TRPM6: variants seen among roughly 807,000 people sequenced by gnomAD.
The protein encoded by TRPM6 is channel kinase 2.
In TRPM6, 111 loss-of-function variants were observed where a neutral mutation model predicts 247.6. The observed-to-expected ratio is 0.45, with a 90% CI of 0.38 to 0.52. The LOEUF (loss-of-function observed/expected upper bound fraction) is 0.52. Among genes scored for constraint, TRPM6 ranks in the 20% least tolerant of loss-of-function variants. TRPM6 has a pLI of 0.00. For missense variants in TRPM6, 2,126 were observed against 2,421.5 expected (o/e 0.88, Z 2.56); for synonymous variants, 892 against 853.8 (o/e 1.04, Z -0.78).
In TRPM6 at chr9:74,755,493, T is replaced by G; in HGVS notation, c.4786-20A>C. 2 of 1,613,822 alleles carry G rather than the reference T, an allele frequency of 1.2e-6. No homozygotes were observed. Among genetic ancestry groups the G allele is most frequent in the South Asian group, 2.2e-5 (2 of 91,080 alleles). On this transcript the variant is annotated intron_variant, in intron 27 of 38. Coordinates refer to ENST00000360774, the MANE Select transcript of TRPM6 (RefSeq NM_017662.5). ...TATGATCTGGAGAGAAAGACACTTG[T>G]TGGAACACAGTGACATTAATTCAAA...
chr9:74,857,459 TAATTA>T (rs1484146143), intron 2 of TRPM6, among the ~76,000 whole-genome samples: 2 of 152,200 alleles, frequency 1.3e-5, no homozygotes, highest in African/African-American at 4.8e-5. Context: ...ATTTTCCTTT[TAATTA>T]ATTTTTCCAA....
intron 1 of TRPM6, among the ~76,000 whole-genome samples, chr9:74,859,891 T>G (rs1421648881): frequency 6.6e-6 from 1 of 152,068 alleles, no homozygotes; most frequent in Non-Finnish European, 1.5e-5. Context: ...GTCAGTGCAG[T>G]CCCCACCTCA....
chr9:74,801,356 G>A (rs1181124921), intron 16 of TRPM6, among the ~76,000 whole-genome samples: 1 of 145,756 alleles, frequency 6.9e-6, no homozygotes, highest in African/African-American at 2.5e-5. Context: ...CTCCAGCCTG[G>A]GAATTTTTAC....
intron 1 of TRPM6, among the ~76,000 whole-genome samples, chr9:74,862,691 C>T (rs1188067005): frequency 6.6e-6 from 1 of 152,104 alleles, no homozygotes; most frequent in African/African-American, 2.4e-5. Context: ...AAAATTTATA[C>T]ATAAAATTGT....
intron 2 of TRPM6, among the ~76,000 whole-genome samples, chr9:74,856,009 T>C (rs978347732): frequency 2.6e-5 from 4 of 152,214 alleles, no homozygotes; most frequent in African/African-American, 9.7e-5. Flanking sequence ...AATAGATATA[T>C]GTAAACCACT....
intron 8 of TRPM6, 144 bp downstream of exon 8, chr9:74,821,525 C>A: frequency 1.0e-6 from 1 of 1,002,618 alleles, no homozygotes; most frequent in Non-Finnish European, 1.5e-6. Flanking sequence ...TGTTGAACAA[C>A]AAACACAGTC....
At chr9:74,748,689 C>A (rs1329527140) in intron 30 of TRPM6, among the ~76,000 whole-genome samples, 1 of 152,062 alleles carries the variant, frequency 6.6e-6, no homozygotes, top group African/African-American at 2.4e-5. Context: ...TACAACCATA[C>A]AATGTATTTG....
intron 24 of TRPM6, among the ~76,000 whole-genome samples, chr9:74,774,618 T>TA (rs1827155133): frequency 6.6e-6 from 1 of 152,166 alleles, no homozygotes; most frequent in Admixed American, 6.5e-5. Flanking sequence ...AGGACCTACC[T>TA]AAACACATAA....
intron 23 of TRPM6, chr9:74,776,287 C>T (rs183099683): frequency 3.9e-6 from 2 of 514,966 alleles, no homozygotes; most frequent in East Asian, 7.7e-5. Flanking sequence ...GAATAACAAG[C>T]AGAAGGCAGA....
At chr9:74,884,584 C>T (rs868486063) in intron 1 of TRPM6, among the ~76,000 whole-genome samples, 1 of 151,978 alleles carries the variant, frequency 6.6e-6, no homozygotes, top group African/African-American at 2.4e-5. Context: ...TCCAAATCAA[C>T]AGTTTGATTA....
chr9:74,728,097 T>C, intron 38 of TRPM6, 142 bp downstream of exon 38: 1 of 743,748 alleles, frequency 1.3e-6, no homozygotes, highest in East Asian at 2.7e-5. Context: ...ACTTGAAAAT[T>C]TTGCAGTCAG....
chr9:74,812,437 C>G lies in TRPM6; in HGVS notation c.1309-4G>C. The G allele has an allele frequency of 1.2e-6, 2 of 1,613,388 alleles. No individual in the cohort carries two copies. The highest frequency in any genetic ancestry group is 2.2e-5 in the South Asian group (2 of 91,070). Reference sequence around the variant, plus strand: ...TTGCTTGTTCCAGGGCATCAGGCTTCAGAAAGCACAAATAAGAAATATAAA... The same window carrying G: ...TTGCTTGTTCCAGGGCATCAGGCTTGAGAAAGCACAAATAAGAAATATAAA... On this transcript the variant is annotated splice_polypyrimidine_tract_variant and splice_region_variant and intron_variant, in intron 11 of 38. Coordinates refer to ENST00000360774, the MANE Select transcript of TRPM6 (RefSeq NM_017662.5).
intron 20 of TRPM6, 141 bp from the exon 21 acceptor site, chr9:74,786,266 G>A: frequency 1.2e-6 from 1 of 850,592 alleles, no homozygotes; most frequent in South Asian, 1.6e-5. Context: ...GGATTTCAGA[G>A]ACTTAAGTTA....
chr9:74,796,562 T>C (rs1828106651), intron 18 of TRPM6, among the ~76,000 whole-genome samples, 179 bp downstream of exon 18: 1 of 152,230 alleles, frequency 6.6e-6, no homozygotes, highest in African/African-American at 2.4e-5. Flanking sequence ...AACTAAATGC[T>C]TGATTGGTCA....
intron 31 of TRPM6, among the ~76,000 whole-genome samples, chr9:74,746,535 G>A (rs2118767295): frequency 6.6e-6 from 1 of 152,284 alleles, no homozygotes. Flanking sequence ...ATGCCTATGG[G>A]CCTGGAAATT....
intron 24 of TRPM6, among the ~76,000 whole-genome samples, chr9:74,772,445 GTCT>G (rs1827080807): frequency 6.6e-6 from 1 of 152,172 alleles, no homozygotes; most frequent in Admixed American, 6.5e-5. Flanking sequence ...TGGGGAATCT[GTCT>G]TCTTTTCTCT....
intron 36 of TRPM6, among the ~76,000 whole-genome samples, chr9:74,734,917 G>A (rs979123104): frequency 6.6e-6 from 1 of 152,106 alleles, no homozygotes; most frequent in Non-Finnish European, 1.5e-5. Context: ...TTCAGTGTGT[G>A]AAAATAGAGA....
chr9:74,762,136 C>T lies in TRPM6; in HGVS notation c.4535G>A (p.Cys1512Tyr). The T allele has an allele frequency of 1.2e-6, 2 of 1,614,218 alleles. No homozygotes were observed. The highest frequency in any genetic ancestry group is 1.7e-6 in the Non-Finnish European group (2 of 1,180,028). Residue 1512 changes from cysteine to tyrosine, a missense_variant, in exon 26 of 39, where the codon TGC becomes TAC. By Grantham distance (194) the Cys-to-Tyr change is radical. Transcript: ENST00000360774. ...NSTRSAQSSE[C>Y]SEVGPWLQPN... Reference sequence around the variant, plus strand: ...CTGAAGCCATGGTCCCACCTCTGAGCATTCACTACTCTGGGCCGATCTTGT... The same window carrying T: ...CTGAAGCCATGGTCCCACCTCTGAGTATTCACTACTCTGGGCCGATCTTGT...
At chr9:74,741,934 A>C (rs953930291) in intron 33 of TRPM6, among the ~76,000 whole-genome samples, 1 of 152,068 alleles carries the variant, frequency 6.6e-6, no homozygotes, top group African/African-American at 2.4e-5. Flanking sequence ...AAACAATCAG[A>C]AGCCAACCTG....
Sources: gnomAD v4.1 joint callset for allele counts (sites outside exome capture counted in the v4.1 genomes callset) on GRCh38, gnomAD v4.1.1 for gene constraint, MANE v1.5 for transcripts, NCBI Gene and HGNC (gene_info 2026-07-23, HGNC 2026-07-21) for gene names.